SNX13: variants seen among roughly 807,000 people sequenced by gnomAD.
SNX13 encodes the protein sorting nexin-13.
In SNX13, 45 loss-of-function variants were observed where a neutral mutation model predicts 133.6. That is an observed-to-expected ratio of 0.34 (90% CI 0.27 to 0.43). SNX13 has a LOEUF of 0.43. Among genes scored for constraint, SNX13 ranks in the 20% least tolerant of loss-of-function variants. SNX13 has a pLI of 1.00. For synonymous variants in SNX13, 414 were observed against 373.9 expected (o/e 1.11, Z -1.24); for missense variants, 1,032 against 1,145.1 (o/e 0.90, Z 1.43).
chr7:17,925,123 A>T (rs1800595842), intron 1 of SNX13, among the ~76,000 whole-genome samples: 1 of 152,196 alleles, frequency 6.6e-6, no homozygotes, highest in Non-Finnish European at 1.5e-5. Context: ...CTGAGGCAGG[A>T]GAATCACTTG....
At chr7:17,842,129 C>T (rs1221109586) in intron 12 of SNX13, among the ~76,000 whole-genome samples, 3 of 151,938 alleles carry the variant, frequency 2.0e-5, no homozygotes, top group Non-Finnish European at 4.4e-5. Flanking sequence ...ACCCAAAAAG[C>T]TCAACAATCT....
At chr7:17,891,725 C>T (rs1562479572) in intron 3 of SNX13, 90 bp from the exon 4 acceptor site, 7 of 751,940 alleles carry the variant, frequency 9.3e-6, no homozygotes, top group Admixed American at 4.9e-5. Context: ...TGTAACATCC[C>T]TTCATTATCC....
chr7:17,881,027 T>C (rs978417337), intron 5 of SNX13: 3 of 152,148 alleles, frequency 2.0e-5, no homozygotes, highest in African/African-American at 7.2e-5. Flanking sequence ...CATGGCAGAA[T>C]ATTTTCCTGG....
intron 5 of SNX13, among the ~76,000 whole-genome samples, chr7:17,886,385 T>A (rs1795988633): frequency 1.3e-5 from 2 of 151,954 alleles, no homozygotes; most frequent in Non-Finnish European, 2.9e-5. Context: ...CTGACCAACA[T>A]GGTGAAACCC....
At chr7:17,921,103 G>T (rs750148022) in intron 1 of SNX13, among the ~76,000 whole-genome samples, 2 of 152,094 alleles carry the variant, frequency 1.3e-5, no homozygotes, top group Non-Finnish European at 2.9e-5. Context: ...GCTCTCCTTA[G>T]ATCTTGCACA....
At chr7:17,847,097 C>T (rs932288845) in intron 11 of SNX13, among the ~76,000 whole-genome samples, 9 of 152,120 alleles carry the variant, frequency 5.9e-5, no homozygotes, top group East Asian at 1.9e-4. Context: ...TGAGTAATGA[C>T]GCTGAAAGAT....
intron 1 of SNX13, among the ~76,000 whole-genome samples, chr7:17,935,987 G>T (rs776703448): frequency 5.9e-5 from 9 of 152,210 alleles, no homozygotes; most frequent in Non-Finnish European, 1.5e-5. Context: ...GAGCGTGGAT[G>T]TATGATGTAT....
intron 1 of SNX13, among the ~76,000 whole-genome samples, chr7:17,905,930 T>C (rs975406439): frequency 6.6e-5 from 10 of 152,168 alleles, no homozygotes; most frequent in Non-Finnish European, 1.5e-4. Context: ...CTCAGCCTCC[T>C]GAGTAGCTGG....
At chr7:17,873,692 TTTAAA>T in intron 7 of SNX13, 76 bp from the exon 8 acceptor site, 1 of 855,142 alleles carries the variant, frequency 1.2e-6, no homozygotes, top group South Asian at 2.4e-5. Flanking sequence ...ATAAGATACA[TTTAAA>T]AAGGCAGAAA....
intron 7 of SNX13, among the ~76,000 whole-genome samples, chr7:17,874,475 C>A (rs1426717691): frequency 6.6e-6 from 1 of 152,120 alleles, no homozygotes; most frequent in Non-Finnish European, 1.5e-5. Flanking sequence ...ACCCGAAACC[C>A]TCTCACTGTT....
In SNX13 at chr7:17,834,162, T is replaced by C. The variant is rs1788852626; in HGVS notation, c.1487A>G (p.Asp496Gly). 5 of 1,587,834 alleles carry C rather than the reference T, an allele frequency of 3.1e-6. No homozygotes were observed. The highest frequency in any genetic ancestry group is 4.3e-6 in the Non-Finnish European group (5 of 1,163,542). The change falls in exon 15 of 26, where the codon GAT (aspartate) becomes GGT (glycine). Residue 496 changes from aspartate (D) to glycine (G), a missense_variant. Transcript: ENST00000428135. The part of the protein sequence containing the change: ...QRKVYELMLR[D>G]ERFYPSFRQN... The stretch of plus-strand genomic sequence containing the variant: ...TCTGAAGGAAGGATAAAATCTTTCA[T>C]CTCGTAGCATCAATTCATATACCTT...
At chr7:17,845,007 A>G (rs1583451625) in intron 12 of SNX13, among the ~76,000 whole-genome samples, 1 of 152,162 alleles carries the variant, frequency 6.6e-6, no homozygotes, top group Non-Finnish European at 1.5e-5. Context: ...GATCAGGAAC[A>G]AAAAGATTAA....
At chr7:17,882,236 C>G (rs1795430461) in intron 5 of SNX13, 2 of 152,152 alleles carry the variant, frequency 1.3e-5, no homozygotes, top group Admixed American at 1.3e-4. Context: ...TTGTGTACAT[C>G]TCTTCCTATT....
rs1783648289 is a variant in SNX13 at position 17,792,506 on chromosome 7, TA to T, written c.*1538del. 6.6e-6 allele frequency: 1 copy of T among 152,424 alleles called. No homozygotes were observed. Among genetic ancestry groups the T allele is most frequent in the African/African-American group, 2.4e-5 (1 of 41,424 alleles). 9.4% of individuals were successfully genotyped at this position (152,424 alleles called of 1,614,324 possible). A position where few individuals can be genotyped will look rare whatever the true frequency, so the allele number is the denominator to read the frequency against. On this transcript the variant is annotated 3_prime_UTR_variant, in exon 26 of 26. Transcript: ENST00000428135. ...TATTCTGTTAATAACCCTCACTTTG[TA>T]AGTAGGATCTAAGTGAAAACAAGAC...
chr7:17,867,372 T>C (rs998964385), intron 9 of SNX13, among the ~76,000 whole-genome samples: 1 of 152,122 alleles, frequency 6.6e-6, no homozygotes, highest in Admixed American at 6.5e-5. Context: ...TTCGGGAGGC[T>C]GAGGCAGGCA....
chr7:17,883,719 AC>A (rs1237758381), intron 5 of SNX13, among the ~76,000 whole-genome samples: 2 of 148,262 alleles, frequency 1.3e-5, no homozygotes, highest in Admixed American at 6.8e-5. Context: ...CTTGCCCCTC[AC>A]CCCCCAAGAG....
In SNX13 at chr7:17,801,009, C is replaced by CTTTTATATAT. The variant is rs1289471310; in HGVS notation, c.2298+578_2298+579insATATATAAAA. Among the ~76,000 whole-genome samples the CTTTTATATAT allele has an allele frequency of 5.8e-5, 7 of 120,222 alleles. 1 individual carries two copies. The highest frequency in any genetic ancestry group is 2.0e-4 in the African/African-American group (7 of 35,310). 78.9% of individuals were successfully genotyped at this position (120,222 alleles called of 152,430 possible). ...CTTGGCAGTATCTACTAAAACTGAA[C>CTTTTATATAT]ATATATATATATATATATATATATA... On this transcript the variant is annotated intron_variant, in intron 22 of 25. Transcript: ENST00000428135.
intron 9 of SNX13, among the ~76,000 whole-genome samples, chr7:17,864,933 C>T (rs59568611): frequency 0.038 from 5,727 of 151,870 alleles, 347 homozygotes; most frequent in African/African-American, 0.13. Context: ...CAGGAGGGAG[C>T]GGGATCATTC....
intron 18 of SNX13, among the ~76,000 whole-genome samples, chr7:17,818,965 T>C (rs1786977757): frequency 6.6e-6 from 1 of 152,142 alleles, no homozygotes; most frequent in Non-Finnish European, 1.5e-5. Context: ...AAAACAGAAA[T>C]GCACAGTAGC....
Sources: gnomAD v4.1 joint callset for allele counts (sites outside exome capture counted in the v4.1 genomes callset) on GRCh38, gnomAD v4.1.1 for gene constraint, MANE v1.5 for transcripts, NCBI Gene and HGNC (gene_info 2026-07-23, HGNC 2026-07-21) for gene names.